Variants in WDFY3 observed in about 807,000 individuals in gnomAD.
WDFY3 encodes WD repeat and FYVE domain containing 3.
WDFY3 carries 66 observed loss-of-function variants against 409.6 expected under a neutral mutation model. The ratio of observed to expected loss-of-function variants is 0.16; its 90% CI spans 0.13 to 0.20. The LOEUF is 0.20. WDFY3 is among the 10% of genes least tolerant of loss of function. The pLI, the probability that WDFY3 is intolerant of heterozygous loss-of-function variation, is 1.00. For synonymous variants in WDFY3, 1,521 were observed against 1,537.1 expected (o/e 0.99, Z 0.25); for missense variants, 3,031 against 4,298.1 (o/e 0.71, Z 8.24).
At chr4:84,837,707 T>C (rs1267193375) in intron 6 of WDFY3, among the ~76,000 whole-genome samples, 1 of 152,224 alleles carries the variant, frequency 6.6e-6, no homozygotes, top group African/African-American at 2.4e-5. Context: ...TATTTCAACA[T>C]TGTTAAGTAT....
At chr4:84,737,039 A>G (rs1046266911) in intron 41 of WDFY3, 145 bp downstream of exon 41, 9 of 868,224 alleles carry the variant, frequency 1.0e-5, no homozygotes, top group Non-Finnish European at 1.5e-5. Flanking sequence ...ATCTCAGTAT[A>G]ATCATTCTAG....
intron 66 of WDFY3, 127 bp downstream of exon 66, chr4:84,678,041 C>A: frequency 3.0e-5 from 12 of 400,134 alleles, no homozygotes; most frequent in Non-Finnish European, 2.4e-5. Context: ...TCAAATTTAT[C>A]TCTTTGAGCT....
chr4:84,841,310 T>C (rs757923179), intron 5 of WDFY3, 47 bp from the exon 6 acceptor site: 13 of 1,521,680 alleles, frequency 8.5e-6, no homozygotes, highest in Admixed American at 2.0e-5. Flanking sequence ...AAGTCACATA[T>C]AAAGAGGTTC....
At chr4:84,888,566 A>G (rs1764530062) in intron 3 of WDFY3, among the ~76,000 whole-genome samples, 1 of 152,196 alleles carries the variant, frequency 6.6e-6, no homozygotes, top group South Asian at 2.1e-4. Flanking sequence ...TAAAAAAGAT[A>G]CTCAGGTTCC....
At chr4:84,719,226 A>G (rs986830422) in intron 47 of WDFY3, among the ~76,000 whole-genome samples, 1 of 152,162 alleles carries the variant, frequency 6.6e-6, no homozygotes, top group African/African-American at 2.4e-5. Flanking sequence ...ATTTGTTTCT[A>G]TTCATTCCCC....
At chr4:84,776,867 C>T (rs1745637070) in intron 27 of WDFY3, among the ~76,000 whole-genome samples, 1 of 151,880 alleles carries the variant, frequency 6.6e-6, no homozygotes, top group African/African-American at 2.4e-5. Context: ...TACGATTATG[C>T]CTTTGAAAGA....
rs556006939 is a variant in WDFY3, at chr4:84,937,710, A to T, written c.-225-5347T>A. Among the ~76,000 whole-genome samples, 22 of 152,242 alleles carry T rather than the reference A, an allele frequency of 1.4e-4. 1 individual carries two copies. The highest frequency in any genetic ancestry group is 2.4e-4 in the African/African-American group (10 of 41,564). ...CTCACTCAGAGTAGGCCATTTTTTT[A>T]AAAAATGACATAAAAGAACCTATAA... On this transcript the variant is annotated intron_variant, in intron 1 of 67. Coordinates refer to ENST00000295888, the MANE Select transcript of WDFY3 (RefSeq NM_014991.6).
intron 67 of WDFY3, among the ~76,000 whole-genome samples, chr4:84,673,897 G>A (rs538760682): frequency 5.9e-5 from 9 of 152,118 alleles, no homozygotes; most frequent in South Asian, 2.1e-4. Flanking sequence ...GACTACAGAC[G>A]TGAGCCACTG....
chr4:84,682,354 T>A lies in WDFY3; in HGVS notation c.9823+20A>T. 6.2e-7 allele frequency: 1 copy of A among 1,601,538 alleles called. No individual in the cohort carries two copies. Among genetic ancestry groups the A allele is most frequent in the Non-Finnish European group, 8.5e-7 (1 of 1,172,534 alleles). On this transcript the variant is annotated intron_variant, in intron 64 of 67. Coordinates refer to ENST00000295888, the MANE Select transcript of WDFY3 (RefSeq NM_014991.6). ...GAAATATGAAAACGATTTGAGTCAT[T>A]TTTAGAAAGTATTAAATACCTATTT...
intron 2 of WDFY3, among the ~76,000 whole-genome samples, chr4:84,898,533 T>A (rs986603305): frequency 6.6e-6 from 1 of 152,224 alleles, no homozygotes; most frequent in Non-Finnish European, 1.5e-5. Context: ...TGAAGATGAC[T>A]GGACTACTAT....
At chr4:84,758,980 A>G (rs924651288) in intron 32 of WDFY3, among the ~76,000 whole-genome samples, 6 of 152,140 alleles carry the variant, frequency 3.9e-5, no homozygotes, top group East Asian at 3.9e-4. Flanking sequence ...TGATTTTTGT[A>G]TAAGGTGTAA....
chr4:84,688,278 A>G lies in WDFY3; in HGVS notation c.9364-13T>C, dbSNP rs181962337. ...GGCCCAGTAAGGCCTACGAATGAGA[A>G]CAAACAAACAAAATCAGGTTGATCT... On this transcript the variant is annotated splice_polypyrimidine_tract_variant and intron_variant, in intron 61 of 67. Transcript: ENST00000295888. 586 of 1,608,454 alleles carry G rather than the reference A, an allele frequency of 3.6e-4. 3 individuals are homozygous for G. The highest frequency in any genetic ancestry group is 3.3e-4 in the Non-Finnish European group (386 of 1,177,232).
chr4:84,728,747 A>C, intron 44 of WDFY3, among the ~76,000 whole-genome samples: 1 of 152,132 alleles, frequency 6.6e-6, no homozygotes, highest in Non-Finnish European at 1.5e-5. Context: ...CTGATTGATT[A>C]ACCGGTTCTT....
At chr4:84,695,499 C>CAGAGAGAGAGAGAG (rs1217791319) in intron 58 of WDFY3, among the ~76,000 whole-genome samples, 11 of 73,090 alleles carry the variant, frequency 1.5e-4, no homozygotes, top group South Asian at 1.1e-3. Context: ...CACACAGAGA[C>CAGAGAGAGAGAGAG]AGAGAGAGAT....
chr4:84,684,244 G>A, intron 62 of WDFY3, 119 bp from the exon 63 acceptor site: 1 of 930,866 alleles, frequency 1.1e-6, no homozygotes. Flanking sequence ...AAGACTAGTG[G>A]CTAATTTCTT....
intron 55 of WDFY3, among the ~76,000 whole-genome samples, 170 bp from the exon 56 acceptor site, chr4:84,702,676 T>C (rs1318532460): frequency 1.3e-5 from 2 of 152,172 alleles, no homozygotes; most frequent in Non-Finnish European, 2.9e-5. Context: ...CTAATTCTCT[T>C]TGGGGTAATC....
chr4:84,862,344 G>A (rs1160555325), intron 3 of WDFY3, among the ~76,000 whole-genome samples: 1 of 152,224 alleles, frequency 6.6e-6, no homozygotes, highest in Non-Finnish European at 1.5e-5. Context: ...GCTGGAAACA[G>A]TGCTAACACA....
chr4:84,851,088 AAAAT>A (rs1194070754), intron 4 of WDFY3, among the ~76,000 whole-genome samples: 1 of 150,966 alleles, frequency 6.6e-6, no homozygotes, highest in Non-Finnish European at 1.5e-5. Flanking sequence ...TATCCTGCCT[AAAAT>A]AAATAATTTT....
chr4:84,788,875 CCACGTGTGGTGG>C (rs1488483826), intron 22 of WDFY3, among the ~76,000 whole-genome samples: 1 of 152,094 alleles, frequency 6.6e-6, no homozygotes. Flanking sequence ...CAAAAATTAG[CCACGTGTGGTGG>C]CACATGCCTG....
Sources: allele counts gnomAD v4.1 joint callset (sites outside exome capture counted in the v4.1 genomes callset), GRCh38; gene constraint gnomAD v4.1.1; transcripts MANE v1.5; gene names NCBI Gene and HGNC (gene_info 2026-07-23, HGNC 2026-07-21).